The following SPAG6 variants were observed in gnomAD, a reference collection of about 807,000 sequenced individuals.
SPAG6 encodes sperm-associated antigen 6.
A neutral mutation model predicts 58.5 loss-of-function variants in SPAG6; 49 were observed. The observed-to-expected ratio is 0.84, with a 90% CI of 0.67 to 1.06. SPAG6 has a LOEUF of 1.06. Ranked by LOEUF, SPAG6 falls within the 50% of genes least tolerant of loss-of-function variation. SPAG6 has a pLI of 0.00. For missense variants in SPAG6, 560 were observed against 611.3 expected, an observed-to-expected ratio of 0.92 and a Z score of 0.89; for synonymous variants, 233 against 225.6, an observed-to-expected ratio of 1.03 and a Z score of -0.29.
chr10:22,356,409 C>A (rs1836868979), intron 2 of SPAG6, among the ~76,000 whole-genome samples: 2 of 152,216 alleles, frequency 1.3e-5, no homozygotes, highest in Admixed American at 6.5e-5. Flanking sequence ...TCAAAGTTTT[C>A]ATTTTTATTA....
chr10:22,376,528 A>T lies in SPAG6; in HGVS notation c.472+7850A>T, dbSNP rs141168070. 7.9e-3 allele frequency among the ~76,000 whole-genome samples: 1,200 copies of T among 152,296 alleles called. 14 individuals are homozygous for T. Among genetic ancestry groups the T allele is most frequent in the African/African-American group, 0.027 (1,114 of 41,554 alleles). On this transcript the variant is annotated intron_variant, in intron 4 of 10. Transcript: ENST00000376624. ...ATTTGTTAAAAGGCAATGTGCTAGT[A>T]ATTCTGTGGTCTTAAAAAGACATGT... is the stretch of plus-strand genomic sequence containing the variant.
chr10:22,354,819 G>C (rs927738921), intron 2 of SPAG6, among the ~76,000 whole-genome samples: 6 of 152,040 alleles, frequency 3.9e-5, no homozygotes, highest in African/African-American at 1.5e-4. Flanking sequence ...AGACCAGCCT[G>C]GCCAACATGG....
At chr10:22,413,815 A>G (rs1834803885) in intron 10 of SPAG6, among the ~76,000 whole-genome samples, 1 of 152,048 alleles carries the variant, frequency 6.6e-6, no homozygotes, top group Non-Finnish European at 1.5e-5. Context: ...TTCTATAAAA[A>G]TAGACAAATA....
chr10:22,357,429 A>C (rs1040775621), intron 2 of SPAG6, among the ~76,000 whole-genome samples: 1 of 152,190 alleles, frequency 6.6e-6, no homozygotes, highest in Admixed American at 6.5e-5. Flanking sequence ...AGAGTAATTC[A>C]AAAATGTATG....
intron 8 of SPAG6, among the ~76,000 whole-genome samples, chr10:22,399,129 C>G (rs965421761): frequency 2.0e-5 from 3 of 152,092 alleles, no homozygotes; most frequent in Non-Finnish European, 2.9e-5. Context: ...GAGTTTAAGT[C>G]TTTTTAACAA....
rs1032430838 is a variant in SPAG6 at position 22,412,643 on chromosome 10, T to C, written c.1460+1467T>C. The C allele has an allele frequency of 1.6e-5, 8 of 504,798 alleles. No homozygotes were observed. In the Admixed American group the frequency reaches 3.1e-4, roughly 19 times the overall value. 31.3% of individuals were successfully genotyped at this position (504,798 alleles called of 1,614,324 possible). A position where few individuals can be genotyped will look rare whatever the true frequency, so the allele number is the denominator to read the frequency against. ...TGGAGTGCAGTAGCGCGATCTTGGCTCAACTGCCATCTCCGCCTCCCGGGT... is the reference window on the plus strand; with the variant it reads ...TGGAGTGCAGTAGCGCGATCTTGGCCCAACTGCCATCTCCGCCTCCCGGGT... On this transcript the variant is annotated intron_variant, in intron 10 of 10. Transcript: ENST00000376624.
At chr10:22,378,965 AATGTATGT>A (rs777634325) in intron 4 of SPAG6, among the ~76,000 whole-genome samples, 3 of 152,142 alleles carry the variant, frequency 2.0e-5, no homozygotes, top group African/African-American at 4.8e-5. Flanking sequence ...CTTTAAAGCA[AATGTATGT>A]ATGTATGTTA....
intron 10 of SPAG6, among the ~76,000 whole-genome samples, chr10:22,411,840 CTTTTTTTTTTT>C (rs546172800): frequency 1.5e-5 from 1 of 66,750 alleles, no homozygotes; most frequent in Non-Finnish European, 2.7e-5. Flanking sequence ...ACAACTGAAT[CTTTTTTTTTTT>C]TTTTTTTTTT....
At position 22,362,233 on chromosome 10, in the gene SPAG6, A is replaced by G. The variant is rs150365594; in HGVS notation, c.122-2620A>G. On this transcript the variant is annotated intron_variant, in intron 2 of 10. Transcript: ENST00000376624. ...TATATGTATATATGTATATATCTATATATTTCCCCCCCAAAACAAAATAAA... is the reference window on the plus strand; with the variant it reads ...TATATGTATATATGTATATATCTATGTATTTCCCCCCCAAAACAAAATAAA... 3.6e-3 allele frequency among the ~76,000 whole-genome samples: 539 copies of G among 148,206 alleles called. 3 individuals are homozygous for G. The highest frequency in any genetic ancestry group is 0.013 in the African/African-American group (522 of 40,688).
chr10:22,351,569 T>C (rs1352990401), intron 2 of SPAG6, among the ~76,000 whole-genome samples: 1 of 152,186 alleles, frequency 6.6e-6, no homozygotes, highest in African/African-American at 2.4e-5. Flanking sequence ...TGGTGTTTGT[T>C]GATTGATTGA....
chr10:22,400,818 A>G (rs913007259), intron 8 of SPAG6, among the ~76,000 whole-genome samples: 2 of 152,144 alleles, frequency 1.3e-5, no homozygotes, highest in African/African-American at 4.8e-5. Flanking sequence ...TATATTAGTT[A>G]TCTCAGTTTC....
At chr10:22,373,678 A>G (rs1833756562) in intron 4 of SPAG6, among the ~76,000 whole-genome samples, 2 of 152,196 alleles carry the variant, frequency 1.3e-5, no homozygotes, top group Non-Finnish European at 2.9e-5. Context: ...ACTGACGCCT[A>G]TAGATTTCGG....
chr10:22,360,156 A>G (rs2132041498), intron 2 of SPAG6, among the ~76,000 whole-genome samples: 1 of 152,282 alleles, frequency 6.6e-6, no homozygotes, highest in East Asian at 1.9e-4. Context: ...TCACTAGACT[A>G]TTAGTTTCTT....
At chr10:22,392,068 G>C in intron 8 of SPAG6, 148 bp downstream of exon 8, 1 of 620,550 alleles carries the variant, frequency 1.6e-6, no homozygotes, top group South Asian at 2.1e-5. Flanking sequence ...CTTTGAAAAT[G>C]AGTTACCCTG....
chr10:22,405,531 C>T (rs1264910174), intron 9 of SPAG6, among the ~76,000 whole-genome samples: 14 of 149,430 alleles, frequency 9.4e-5, no homozygotes, highest in Middle Eastern at 3.4e-3. Context: ...CTGCTGGATT[C>T]GGTTTGCCAG....
intron 2 of SPAG6, among the ~76,000 whole-genome samples, chr10:22,350,155 C>T (rs544227124): frequency 2.0e-5 from 3 of 150,116 alleles, no homozygotes; most frequent in Non-Finnish European, 4.4e-5. Flanking sequence ...TGAATATGAA[C>T]GATAATGAAC....
At position 22,416,617 on chromosome 10, in the gene SPAG6, A is replaced by G; in HGVS notation, c.1461-2A>G. The G allele has an allele frequency of 6.3e-7, 1 of 1,592,434 alleles. No individual in the cohort carries two copies. The highest frequency in any genetic ancestry group is 8.6e-7 in the Non-Finnish European group (1 of 1,161,006). Reference sequence around the variant, plus strand: ...CATTTAATAGTGTATTTTCTTTTTCAGGTATTATTCCCCTGGATATTCAGA... The same window carrying G: ...CATTTAATAGTGTATTTTCTTTTTCGGGTATTATTCCCCTGGATATTCAGA... On this transcript the variant is annotated splice_acceptor_variant, in intron 10 of 10. Coordinates refer to ENST00000376624, the MANE Select transcript of SPAG6 (RefSeq NM_012443.4). LOFTEE classifies it high-confidence loss of function.
chr10:22,404,015 A>T (rs1834483396), intron 9 of SPAG6, among the ~76,000 whole-genome samples: 1 of 142,366 alleles, frequency 7.0e-6, no homozygotes, highest in South Asian at 2.3e-4. Flanking sequence ...GTTTGAGTTC[A>T]TTGTAGATTC....
intron 2 of SPAG6, among the ~76,000 whole-genome samples, chr10:22,364,500 G>A (rs1837137782): frequency 6.6e-6 from 1 of 152,086 alleles, no homozygotes; most frequent in South Asian, 2.1e-4. Flanking sequence ...AGTCTGGGGG[G>A]AAGCCCTATC....
Sources: allele counts gnomAD v4.1 joint callset (sites outside exome capture counted in the v4.1 genomes callset), GRCh38; gene constraint gnomAD v4.1.1; transcripts MANE v1.5; gene names NCBI Gene and HGNC (gene_info 2026-07-23, HGNC 2026-07-21).